The following ATM variants were observed in gnomAD, a reference collection of about 807,000 sequenced individuals.
The protein encoded by ATM is ATM serine/threonine kinase, also known as serine-protein kinase ATM.
In ATM, 308 loss-of-function variants were observed where a neutral mutation model predicts 387.0. The ratio of observed to expected loss-of-function variants is 0.80; its 90% CI spans 0.73 to 0.87. The LOEUF is 0.87. Among genes scored for constraint, ATM ranks in the 40% least tolerant of loss-of-function variants. The pLI is 0.00. For missense variants in ATM, 3,312 were observed against 3,560.9 expected, an observed-to-expected ratio of 0.93 and a Z score of 1.78; for synonymous variants, 1,156 against 1,187.3, an observed-to-expected ratio of 0.97 and a Z score of 0.54.
chr11:108,266,713 ATTG>A (rs1828049764), intron 16 of ATM, among the ~76,000 whole-genome samples: 1 of 151,422 alleles, frequency 6.6e-6, no homozygotes, highest in African/African-American at 2.4e-5. Context: ...CCATTTTACT[ATTG>A]TTGGACATTT....
chr11:108,235,851 GTTGT>G lies in ATM; in HGVS notation c.496+22_496+25del. 6.2e-7 allele frequency: 1 copy of G among 1,613,524 alleles called. No homozygotes were observed. Among genetic ancestry groups the G allele is most frequent in the Non-Finnish European group, 8.5e-7 (1 of 1,179,696 alleles). ...AGTGGTTAGGTATGTTTTGAAGGTTGTTGTTTGTGAATTTTTCCTCATGAAATGA... is the reference window on the plus strand; with the variant it reads ...AGTGGTTAGGTATGTTTTGAAGGTTGTTGTGAATTTTTCCTCATGAAATGA... On this transcript the variant is annotated intron_variant, in intron 5 of 62. Coordinates refer to ENST00000675843, the MANE Select transcript of ATM (RefSeq NM_000051.4).
rs1297168254 is a variant in ATM, at chr11:108,366,745, T to G, written c.*1237T>G. On this transcript the variant is annotated 3_prime_UTR_variant, in exon 63 of 63. Transcript: ENST00000675843. The stretch of plus-strand genomic sequence containing the variant: ...AACACACTTCCTCCTCATCTCCTTG[T>G]GCTAGTGGGCAGAATATTTGATTGA... 1 of 231,034 alleles carries G rather than the reference T, an allele frequency of 4.3e-6. No individual in the cohort carries two copies. Among genetic ancestry groups the G allele is most frequent in the Non-Finnish European group, 8.6e-6 (1 of 116,720 alleles). The allele number at this position is 231,034 out of a possible 1,614,324, so 14.3% of individuals were successfully genotyped here.
At chr11:108,275,276 C>CT (rs375859247) in intron 22 of ATM, among the ~76,000 whole-genome samples, 16 of 152,274 alleles carry the variant, frequency 1.1e-4, no homozygotes, top group African/African-American at 3.6e-4. Flanking sequence ...GATGGGTCCC[C>CT]TGAATACAGC....
chr11:108,289,644 G>A lies in ATM; in HGVS notation c.4279G>A (p.Ala1427Thr), dbSNP rs2229021. 69 of 1,611,184 alleles carry A rather than the reference G, an allele frequency of 4.3e-5. No individual in the cohort carries two copies. Among genetic ancestry groups the A allele is most frequent in the African/African-American group, 3.9e-4 (29 of 74,900 alleles). Residue 1427 changes from alanine to threonine, a missense_variant, in exon 29 of 63, where the codon GCT becomes ACT. Ala to Thr is a moderately conservative substitution (Grantham distance 58, BLOSUM62 0). Transcript: ENST00000675843. ...KILLAICEQA[A>T]ETNNVYKKHR... ...TCTTCTTGCCATATGTGAGCAAGCAGCTGAAACAAATAATGTTTATAAGAA... is the reference window on the plus strand; with the variant it reads ...TCTTCTTGCCATATGTGAGCAAGCAACTGAAACAAATAATGTTTATAAGAA...
chr11:108,331,398 T>C, intron 50 of ATM, 46 bp from the exon 51 acceptor site: 1 of 1,594,558 alleles, frequency 6.3e-7, no homozygotes, highest in Non-Finnish European at 8.5e-7. Flanking sequence ...GTGAGAATAT[T>C]TGAAATACCT....
intron 53 of ATM, 97 bp downstream of exon 53, chr11:108,332,997 A>G: frequency 2.8e-6 from 4 of 1,441,490 alleles, no homozygotes; most frequent in Non-Finnish European, 3.8e-6. Context: ...TCTGCTTAAA[A>G]TCACAAACGT....
At chr11:108,357,941 T>C (rs1242669632) in intron 61 of ATM, among the ~76,000 whole-genome samples, 1 of 150,660 alleles carries the variant, frequency 6.6e-6, no homozygotes, top group Non-Finnish European at 1.5e-5. Flanking sequence ...CAAAGCTGGA[T>C]GGAGAATGAC....
At chr11:108,347,404 A>G in intron 59 of ATM, 39 bp downstream of exon 59, 1 of 1,460,538 alleles carries the variant, frequency 6.8e-7, no homozygotes, top group Non-Finnish European at 9.6e-7. Flanking sequence ...TTTTTAGTAA[A>G]TATTTGGTCA....
chr11:108,309,107 TA>T (rs1429813025), intron 38 of ATM: 5 of 1,186,628 alleles, frequency 4.2e-6, no homozygotes. Flanking sequence ...GAAAAACGGG[TA>T]AAGACATGCA....
intron 38 of ATM, chr11:108,308,980 G>T (rs1219980562): frequency 6.6e-7 from 1 of 1,514,010 alleles, no homozygotes; most frequent in Admixed American, 2.0e-5. Flanking sequence ...CTTACCATTG[G>T]GGTAGAATGG....
intron 5 of ATM, among the ~76,000 whole-genome samples, chr11:108,242,313 A>C (rs2079602858): frequency 6.6e-6 from 1 of 152,218 alleles, no homozygotes; most frequent in Non-Finnish European, 1.5e-5. Context: ...TAATTTGACT[A>C]GTCCCATAAC....
chr11:108,227,346 C>T, intron 1 of ATM: 1 of 388,170 alleles, frequency 2.6e-6, no homozygotes. Flanking sequence ...GCTACTACTG[C>T]AAGCAAGGCA....
chr11:108,363,941 T>C (rs2091067391), intron 61 of ATM, among the ~76,000 whole-genome samples: 1 of 152,208 alleles, frequency 6.6e-6, no homozygotes, highest in Non-Finnish European at 1.5e-5. Flanking sequence ...TTCCCTTTTG[T>C]GGGTGAAACT....
Position 108,268,616 on chromosome 11 carries a change from T to TA in ATM, c.2838+8dup, listed in dbSNP as rs1364656453. On this transcript the variant is annotated splice_region_variant and intron_variant, in intron 18 of 62. Coordinates refer to ENST00000675843, the MANE Select transcript of ATM (RefSeq NM_000051.4). ...ATCCCTCCACCTGCATATGGTGAGT[T>TA]ACGTTAAATGAAGAAGCTCTTGGAT... 1 of 1,613,204 alleles carries TA rather than the reference T, an allele frequency of 6.2e-7. No homozygotes were observed. The highest frequency in any genetic ancestry group is 1.7e-5 in the Admixed American group (1 of 60,012).
At chr11:108,285,879 T>A (rs2082465478) in intron 26 of ATM, among the ~76,000 whole-genome samples, 1 of 152,208 alleles carries the variant, frequency 6.6e-6, no homozygotes, top group African/African-American at 2.4e-5. Context: ...TACTATTCTT[T>A]TCTTAATGTA....
At chr11:108,332,393 T>C (rs2086357693) in intron 52 of ATM, among the ~76,000 whole-genome samples, 2 of 152,030 alleles carry the variant, frequency 1.3e-5, no homozygotes, top group Non-Finnish European at 1.5e-5. Flanking sequence ...GGTTGCGCCA[T>C]TGCACTCCAG....
intron 35 of ATM, 104 bp from the exon 36 acceptor site, chr11:108,302,749 G>A (rs979083407): frequency 3.6e-6 from 4 of 1,100,836 alleles, no homozygotes; most frequent in Non-Finnish European, 5.3e-6. Flanking sequence ...AGTTTTAACT[G>A]TATTTAGCTT....
At chr11:108,285,347 TC>T (rs2082439717) in intron 26 of ATM, among the ~76,000 whole-genome samples, 1 of 151,598 alleles carries the variant, frequency 6.6e-6, no homozygotes, top group Non-Finnish European at 1.5e-5. Context: ...CTGATGTATC[TC>T]TAATATATTT....
intron 4 of ATM, among the ~76,000 whole-genome samples, chr11:108,232,132 A>G (rs2079044938): frequency 6.6e-6 from 1 of 152,250 alleles, no homozygotes; most frequent in African/African-American, 2.4e-5. Flanking sequence ...AACATTAACA[A>G]TGGAGATTAC....
Sources: gnomAD v4.1 joint callset for allele counts (sites outside exome capture counted in the v4.1 genomes callset) on GRCh38, gnomAD v4.1.1 for gene constraint, MANE v1.5 for transcripts, NCBI Gene and HGNC (gene_info 2026-07-23, HGNC 2026-07-21) for gene names.